The following VAV3 variants were observed in gnomAD, a reference collection of about 807,000 sequenced individuals.
VAV3 encodes the protein guanine nucleotide exchange factor VAV3.
A neutral mutation model predicts 131.2 loss-of-function variants in VAV3; 94 were observed. That is an observed-to-expected ratio of 0.72 (90% CI 0.61 to 0.85). VAV3 has a LOEUF of 0.85. Ranked by LOEUF, VAV3 falls within the 40% of genes least tolerant of loss-of-function variation. The pLI is 0.00. For missense variants in VAV3, 939 were observed against 1,002.7 expected, an observed-to-expected ratio of 0.94 and a Z score of 0.86; for synonymous variants, 349 against 342.0, an observed-to-expected ratio of 1.02 and a Z score of -0.22.
chr1:107,808,547 T>C (rs1667168985), intron 2 of VAV3, among the ~76,000 whole-genome samples: 1 of 152,112 alleles, frequency 6.6e-6, no homozygotes. Flanking sequence ...AATTGGAAGG[T>C]TACTTTTGAC....
intron 4 of VAV3, among the ~76,000 whole-genome samples, chr1:107,773,733 G>A (rs1456264210): frequency 6.6e-6 from 1 of 152,156 alleles, no homozygotes; most frequent in Non-Finnish European, 1.5e-5. Context: ...GAGGGGTTTA[G>A]GCGGCAATCT....
At chr1:107,635,656 A>T (rs935377491) in intron 20 of VAV3, among the ~76,000 whole-genome samples, 9 of 152,176 alleles carry the variant, frequency 5.9e-5, no homozygotes. Flanking sequence ...AAACTGAAAC[A>T]CTGCCACAAA....
chr1:107,748,627 A>C (rs1036838233), intron 15 of VAV3, among the ~76,000 whole-genome samples: 2 of 152,326 alleles, frequency 1.3e-5, no homozygotes, highest in Non-Finnish European at 2.9e-5. Flanking sequence ...TATAATTTAA[A>C]AATATAGTTA....
chr1:107,809,356 G>A lies in VAV3; in HGVS notation c.322-29864C>T, dbSNP rs183513248. Reference sequence around the variant, plus strand: ...ATAAAATATTTAACATGTTCAACAAGGAAGATCACATTTCCAGAAAGAAAA... The same window carrying A: ...ATAAAATATTTAACATGTTCAACAAAGAAGATCACATTTCCAGAAAGAAAA... On this transcript the variant is annotated intron_variant, in intron 2 of 26. Transcript: ENST00000370056. Among the ~76,000 whole-genome samples, 46 of 152,246 alleles carry A rather than the reference G, an allele frequency of 3.0e-4. 1 individual carries two copies. In the East Asian group the frequency reaches 6.9e-3, roughly 23 times the overall value.
rs34150658 is a variant in VAV3, at chr1:107,843,365, AATATATAT to A, written c.321+31528_321+31535del. Among the ~76,000 whole-genome samples the A allele has an allele frequency of 3.9e-3, 548 of 139,964 alleles. 1 individual carries two copies. The highest frequency in any genetic ancestry group is 0.013 in the African/African-American group (514 of 38,358). 91.8% of individuals were successfully genotyped at this position (139,964 alleles called of 152,430 possible). A position where few individuals can be genotyped will look rare whatever the true frequency, so the allele number is the denominator to read the frequency against. On this transcript the variant is annotated intron_variant, in intron 2 of 26. Coordinates refer to ENST00000370056, the MANE Select transcript of VAV3 (RefSeq NM_006113.5). ...TATGTGAAGCCCTTAGCACAACACA[AATATATAT>A]ATATATATATATATATAGTTAATAA... is the stretch of plus-strand genomic sequence containing the variant.
chr1:107,947,425 T>C (rs770983996), intron 1 of VAV3, among the ~76,000 whole-genome samples: 5 of 152,092 alleles, frequency 3.3e-5, no homozygotes, highest in Admixed American at 3.3e-4. Context: ...GAAAGCCCTA[T>C]ACCATGAGAA....
At chr1:107,732,303 A>G (rs558601629) in intron 15 of VAV3, among the ~76,000 whole-genome samples, 6 of 152,320 alleles carry the variant, frequency 3.9e-5, no homozygotes, top group African/African-American at 1.4e-4. Context: ...ACTGACGCAG[A>G]AGACGGGTGA....
At position 107,653,703 on chromosome 1, in the gene VAV3, A is replaced by G. The variant is rs567335104; in HGVS notation, c.1778-10948T>C. On this transcript the variant is annotated intron_variant, in intron 19 of 26. Coordinates refer to ENST00000370056, the MANE Select transcript of VAV3 (RefSeq NM_006113.5). ...TATCAGTTTAAAATCAAGCAAATGTATAACTATTATTCAAAGCCACCAATG... is the reference window on the plus strand; with the variant it reads ...TATCAGTTTAAAATCAAGCAAATGTGTAACTATTATTCAAAGCCACCAATG... Among the ~76,000 whole-genome samples, 94 of 152,292 alleles carry G rather than the reference A, an allele frequency of 6.2e-4. 1 individual carries two copies. Among genetic ancestry groups the G allele is most frequent in the African/African-American group, 2.2e-3 (91 of 41,590 alleles).
chr1:107,709,200 G>A (rs187091050), intron 15 of VAV3, among the ~76,000 whole-genome samples: 46 of 152,168 alleles, frequency 3.0e-4, no homozygotes, highest in African/African-American at 9.9e-4. Flanking sequence ...TTGTAAGTCC[G>A]CCTCCCCACT....
intron 11 of VAV3, 95 bp downstream of exon 11, chr1:107,757,166 T>A: frequency 9.1e-6 from 7 of 766,142 alleles, no homozygotes; most frequent in East Asian, 5.2e-5. Flanking sequence ...TGTGTGTGTG[T>A]GTGTGTGTGT....
rs1305068888 is a variant in VAV3, at chr1:107,702,530, AGACAAAAT to A, written c.1705+2012_1705+2019del. On this transcript the variant is annotated intron_variant, in intron 17 of 26. Transcript: ENST00000370056. ...CAGAGCTTGTAGATTTTACTGCCAT[AGACAAAAT>A]GACTTATGTAAGGACAGAGTACATT... Among the ~76,000 whole-genome samples, 11 of 152,348 alleles carry A rather than the reference AGACAAAAT, an allele frequency of 7.2e-5. No homozygotes were observed. The East Asian group carries it at 1.7e-3, about 24-fold the overall frequency.
chr1:107,796,944 G>T (rs1570967263), intron 2 of VAV3, among the ~76,000 whole-genome samples: 2 of 69,042 alleles, frequency 2.9e-5, no homozygotes, highest in East Asian at 4.5e-4. Flanking sequence ...ATTCAATCAA[G>T]TTTGTTTTGG....
chr1:107,704,725 GA>G (rs906039124), intron 16 of VAV3, 75 bp from the exon 17 acceptor site: 45 of 1,263,170 alleles, frequency 3.6e-5, no homozygotes, highest in Non-Finnish European at 5.0e-5. Flanking sequence ...GCAAGAAGAA[GA>G]AAAAAAGTAT....
At chr1:107,885,659 A>AGTACTTACCTGATACAG (rs1671000032) in intron 1 of VAV3, among the ~76,000 whole-genome samples, 1 of 152,068 alleles carries the variant, frequency 6.6e-6, no homozygotes, top group Admixed American at 6.6e-5. Flanking sequence ...GACTTGTAAC[A>AGTACTTACCTGATACAG]GTACTTACCT....
At chr1:107,724,115 T>C (rs1437074463) in intron 15 of VAV3, among the ~76,000 whole-genome samples, 1 of 152,046 alleles carries the variant, frequency 6.6e-6, no homozygotes, top group Non-Finnish European at 1.5e-5. Context: ...AACAGCAACA[T>C]TTTAATTAGG....
At chr1:107,924,006 C>A (rs1441074076) in intron 1 of VAV3, among the ~76,000 whole-genome samples, 1 of 152,124 alleles carries the variant, frequency 6.6e-6, no homozygotes, top group African/African-American at 2.4e-5. Flanking sequence ...AGCTCCCCAG[C>A]CTACAGTATT....
intron 2 of VAV3, among the ~76,000 whole-genome samples, chr1:107,860,293 G>A (rs1381338267): frequency 2.0e-5 from 3 of 152,016 alleles, no homozygotes; most frequent in African/African-American, 7.2e-5. Context: ...GCTAATTTTT[G>A]TATTTTTTTG....
chr1:107,810,438 A>T (rs377455591), intron 2 of VAV3, among the ~76,000 whole-genome samples: 4 of 151,158 alleles, frequency 2.6e-5, no homozygotes, highest in African/African-American at 4.9e-5. Context: ...TTCCAGTCAT[A>T]CTTTCAATTC....
chr1:107,964,385 G>C, intron 1 of VAV3: 1 of 335,866 alleles, frequency 3.0e-6, no homozygotes, highest in South Asian at 5.0e-5. Flanking sequence ...TAGGTGAAGG[G>C]CACCCTAAGA....
Sources: allele counts gnomAD v4.1 joint callset (sites outside exome capture counted in the v4.1 genomes callset), GRCh38; gene constraint gnomAD v4.1.1; transcripts MANE v1.5; gene names NCBI Gene and HGNC (gene_info 2026-07-23, HGNC 2026-07-21).